Variants in NRXN3 observed in about 807,000 individuals in gnomAD.
NRXN3 encodes the protein neurexin III.
A neutral mutation model predicts 137.6 loss-of-function variants in NRXN3; 32 were observed. That is an observed-to-expected ratio of 0.23 (90% CI 0.18 to 0.31). NRXN3 has a LOEUF of 0.31. NRXN3 is among the 10% of genes least tolerant of loss of function. NRXN3 has a pLI of 1.00. For synonymous variants in NRXN3, 798 were observed against 784.5 expected (o/e 1.02, Z -0.29); for missense variants, 1,574 against 2,062.5 (o/e 0.76, Z 4.59).
chr14:78,976,168 G>A (rs940063728), intron 14 of NRXN3, among the ~76,000 whole-genome samples: 1 of 152,194 alleles, frequency 6.6e-6, no homozygotes, highest in South Asian at 2.1e-4. Context: ...GACCTGTTTG[G>A]TGTGAGGCAG....
At chr14:79,846,277 T>C (rs988443970) in intron 20 of NRXN3, among the ~76,000 whole-genome samples, 8 of 152,218 alleles carry the variant, frequency 5.3e-5, no homozygotes, top group Non-Finnish European at 8.8e-5. Flanking sequence ...GATATACCTG[T>C]ATTTGTTTTT....
Position 79,631,014 on chromosome 14 carries a change from A to G in NRXN3, c.3445-32764A>G, listed in dbSNP as rs566593161. On this transcript the variant is annotated intron_variant, in intron 16 of 20. Transcript: ENST00000335750. ...TTTTTACAGCACTCTGATTTTAGCCAAGGAACTAACAACCGTTGTGTAATG... is the reference window on the plus strand; with the variant it reads ...TTTTTACAGCACTCTGATTTTAGCCGAGGAACTAACAACCGTTGTGTAATG... Among the ~76,000 whole-genome samples the G allele has an allele frequency of 1.1e-4, 16 of 152,308 alleles. 1 individual carries two copies. The South Asian group carries it at 2.5e-3, about 24-fold the overall frequency.
At chr14:78,861,004 T>A (rs767378859) in intron 10 of NRXN3, among the ~76,000 whole-genome samples, 3 of 152,154 alleles carry the variant, frequency 2.0e-5, no homozygotes, top group Non-Finnish European at 2.9e-5. Context: ...GCCATTACCG[T>A]ATTCTGAGTT....
At chr14:78,890,073 T>G (rs2152696847) in intron 10 of NRXN3, among the ~76,000 whole-genome samples, 1 of 152,056 alleles carries the variant, frequency 6.6e-6, no homozygotes, top group South Asian at 2.1e-4. Context: ...GCCTAAAGCC[T>G]TCAGAAGGAG....
chr14:78,202,066 A>G (rs1215345270), intron 1 of NRXN3, among the ~76,000 whole-genome samples: 1 of 152,148 alleles, frequency 6.6e-6, no homozygotes, highest in Non-Finnish European at 1.5e-5. Context: ...AGCAGTGGGG[A>G]GGGAGAAACT....
At chr14:78,185,854 G>A (rs1020238155) in intron 1 of NRXN3, among the ~76,000 whole-genome samples, 13 of 152,198 alleles carry the variant, frequency 8.5e-5, no homozygotes, top group African/African-American at 2.7e-4. Context: ...ACAATGGGAT[G>A]CTCCTGTAGC....
At chr14:79,655,733 G>A (rs966888336) in intron 16 of NRXN3, among the ~76,000 whole-genome samples, 2 of 152,008 alleles carry the variant, frequency 1.3e-5, no homozygotes, top group East Asian at 1.9e-4. Context: ...GCGTGGCCTC[G>A]ACCCACTAGA....
At chr14:78,395,128 T>C (rs1045272890) in intron 4 of NRXN3, among the ~76,000 whole-genome samples, 2 of 151,840 alleles carry the variant, frequency 1.3e-5, no homozygotes, top group African/African-American at 4.8e-5. Flanking sequence ...GTTTTCGAGA[T>C]GTGGCCTTAG....
At chr14:78,889,025 C>T (rs1392134071) in intron 10 of NRXN3, among the ~76,000 whole-genome samples, 1 of 151,894 alleles carries the variant, frequency 6.6e-6, no homozygotes, top group Non-Finnish European at 1.5e-5. Context: ...TTGATTATGT[C>T]AGATGGAATC....
At chr14:79,078,038 T>C (rs965122538) in intron 15 of NRXN3, among the ~76,000 whole-genome samples, 1 of 152,164 alleles carries the variant, frequency 6.6e-6, no homozygotes, top group Non-Finnish European at 1.5e-5. Flanking sequence ...ATAAAGCTGG[T>C]ATTTATATTG....
intron 4 of NRXN3, among the ~76,000 whole-genome samples, chr14:78,352,654 C>T (rs2083706578): frequency 6.6e-6 from 1 of 152,152 alleles, no homozygotes; most frequent in Non-Finnish European, 1.5e-5. Flanking sequence ...GATTTTCTGC[C>T]ATCTCAGAAA....
chr14:79,000,515 G>T (rs1027753047), intron 15 of NRXN3, among the ~76,000 whole-genome samples: 4 of 152,150 alleles, frequency 2.6e-5, no homozygotes, highest in African/African-American at 9.7e-5. Flanking sequence ...CTAAATTCTC[G>T]ATATTTGGGG....
chr14:79,480,798 T>G (rs549411478), intron 16 of NRXN3, among the ~76,000 whole-genome samples: 1 of 152,040 alleles, frequency 6.6e-6, no homozygotes, highest in Non-Finnish European at 1.5e-5. Flanking sequence ...TGTGTAAAAG[T>G]GTGTAGCACC....
chr14:79,568,838 A>C (rs2097572434), intron 16 of NRXN3, among the ~76,000 whole-genome samples: 1 of 152,198 alleles, frequency 6.6e-6, no homozygotes, highest in South Asian at 2.1e-4. Context: ...GCACCATTTG[A>C]AATGGAAATG....
intron 16 of NRXN3, among the ~76,000 whole-genome samples, chr14:79,503,012 G>T (rs1443062276): frequency 1.3e-5 from 2 of 152,004 alleles, no homozygotes; most frequent in Non-Finnish European, 2.9e-5. Flanking sequence ...TGGCATTCAG[G>T]GGTTATGGTG....
intron 15 of NRXN3, among the ~76,000 whole-genome samples, chr14:79,071,633 G>T (rs2099687915): frequency 6.6e-6 from 1 of 152,064 alleles, no homozygotes; most frequent in African/African-American, 2.4e-5. Context: ...AACTCATGGA[G>T]AGAGAGAGAG....
At chr14:78,300,213 T>C (rs540012521) in intron 4 of NRXN3, among the ~76,000 whole-genome samples, 1 of 152,372 alleles carries the variant, frequency 6.6e-6, no homozygotes, top group South Asian at 2.1e-4. Context: ...ACATGTGTGT[T>C]ATACTCTTGG....
chr14:79,557,294 T>G (rs1202280642), intron 16 of NRXN3, among the ~76,000 whole-genome samples: 1 of 151,258 alleles, frequency 6.6e-6, no homozygotes, highest in Non-Finnish European at 1.5e-5. Flanking sequence ...GCAAAGGAAG[T>G]TAAAGACCAC....
intron 20 of NRXN3, among the ~76,000 whole-genome samples, chr14:79,813,308 A>C (rs1369914043): frequency 6.6e-6 from 1 of 152,168 alleles, no homozygotes; most frequent in South Asian, 2.1e-4. Context: ...AATTATACAG[A>C]TATATCTATC....
Sources: gnomAD v4.1 joint callset for allele counts (sites outside exome capture counted in the v4.1 genomes callset) on GRCh38, gnomAD v4.1.1 for gene constraint, MANE v1.5 for transcripts, NCBI Gene and HGNC (gene_info 2026-07-23, HGNC 2026-07-21) for gene names.